The following ST8SIA3 variants were observed in gnomAD, a reference collection of about 807,000 sequenced individuals.
ST8SIA3 encodes alpha-N-acetylneuraminate alpha-2,8-sialyltransferase ST8SIA3.
A neutral mutation model predicts 34.5 loss-of-function variants in ST8SIA3; 17 were observed. The ratio of observed to expected loss-of-function variants is 0.49; its 90% CI spans 0.34 to 0.74. The LOEUF (loss-of-function observed/expected upper bound fraction) is 0.74. Among genes scored for constraint, ST8SIA3 ranks in the 30% least tolerant of loss-of-function variants. ST8SIA3 has a pLI of 0.01. For missense variants in ST8SIA3, 354 were observed against 467.8 expected (o/e 0.76, Z 2.24); for synonymous variants, 172 against 176.1 (o/e 0.98, Z 0.19).
intron 2 of ST8SIA3, among the ~76,000 whole-genome samples, chr18:57,356,243 A>C (rs1446199994): frequency 6.6e-6 from 1 of 152,218 alleles, no homozygotes; most frequent in Non-Finnish European, 1.5e-5. Flanking sequence ...TATAATAGCC[A>C]TGTTTTCTAA....
Position 57,360,419 on chromosome 18 carries a change from T to C in ST8SIA3, c.*142T>C, listed in dbSNP as rs936606078. ...GAAAGATGTCTTTTCTCTTTTGCAC[T>C]GCTCTTTTAAGAGTTTTAGCAGATT... On this transcript the variant is annotated 3_prime_UTR_variant, in exon 4 of 4. Coordinates refer to ENST00000324000, the MANE Select transcript of ST8SIA3 (RefSeq NM_015879.3). The C allele has an allele frequency of 2.3e-6, 2 of 858,562 alleles. No homozygotes were observed. Among genetic ancestry groups the C allele is most frequent in the Non-Finnish European group, 3.5e-6 (2 of 573,826 alleles). 53.2% of individuals were successfully genotyped at this position (858,562 alleles called of 1,614,324 possible).
intron 1 of ST8SIA3, 105 bp from the exon 2 acceptor site, chr18:57,354,297 G>C (rs2049785327): frequency 6.9e-7 from 1 of 1,450,824 alleles, no homozygotes; most frequent in African/African-American, 1.4e-5. Context: ...AACGGAGCCC[G>C]CACGCGTACC....
In ST8SIA3 at chr18:57,352,986, C is replaced by T. The variant is rs113039733; in HGVS notation, c.140C>T (p.Pro47Leu). 8 of 1,611,672 alleles carry T rather than the reference C, an allele frequency of 5.0e-6. No individual in the cohort carries two copies. The highest frequency in any genetic ancestry group is 8.5e-7 in the Non-Finnish European group (1 of 1,179,978). The change falls in exon 1 of 4, where the codon CCG (proline) becomes CTG (leucine). Residue 47 changes from proline to leucine, a missense_variant. Physicochemically the swap from Pro to Leu is moderately conservative, Grantham distance 98. This residue lies in a region of ST8SIA3 where 184 missense variants were observed against 205.4 expected (regional missense o/e 0.90). Transcript: ENST00000324000. ...NIFTTPKYAS[P>L]GAPRMYMFHA... ...TTCACCACTCCCAAGTACGCCAGCC[C>T]GGGGGCGCCCCGAATGTACATGTTC...
intron 3 of ST8SIA3, among the ~76,000 whole-genome samples, chr18:57,358,144 T>C (rs1424414750): frequency 6.6e-6 from 1 of 152,234 alleles, no homozygotes; most frequent in African/African-American, 2.4e-5. Context: ...GAGATCCTAA[T>C]GTAAATTATC....
chr18:57,356,858 T>TG, intron 2 of ST8SIA3, 55 bp from the exon 3 acceptor site: 1 of 1,155,172 alleles, frequency 8.7e-7, no homozygotes, highest in Non-Finnish European at 1.2e-6. Flanking sequence ...AGTCATAAGA[T>TG]GGAAAATCAG....
At chr18:57,357,699 A>G (rs751661587) in intron 3 of ST8SIA3, among the ~76,000 whole-genome samples, 1 of 152,182 alleles carries the variant, frequency 6.6e-6, no homozygotes, top group Non-Finnish European at 1.5e-5. Context: ...TTGGGGCTTC[A>G]TCAGTCTCCC....
chr18:57,354,445 A>G lies in ST8SIA3; in HGVS notation c.223A>G (p.Ile75Val). 1 of 1,614,178 alleles carries G rather than the reference A, an allele frequency of 6.2e-7. No individual in the cohort carries two copies. The highest frequency in any genetic ancestry group is 8.5e-7 in the Non-Finnish European group (1 of 1,180,012). ...LKFLDPSFVP[I>V]TNSLTQELQE... ...GTTTCTAGACCCGTCATTCGTGCCC[A>G]TTACGAATTCTCTCACCCAGGAACT... The change falls in exon 2 of 4, where the codon ATT becomes GTT. Residue 75 changes from isoleucine to valine, a missense_variant. Physicochemically the swap from Ile to Val is conservative, Grantham distance 29 (BLOSUM62 3). This residue lies in a region of ST8SIA3 where 184 missense variants were observed against 205.4 expected (regional missense o/e 0.90). Coordinates refer to ENST00000324000, the MANE Select transcript of ST8SIA3 (RefSeq NM_015879.3).
chr18:57,354,103 C>T (rs1026886280), intron 1 of ST8SIA3, among the ~76,000 whole-genome samples: 4 of 152,228 alleles, frequency 2.6e-5, no homozygotes, highest in Non-Finnish European at 5.9e-5. Context: ...CCCTGGTCCT[C>T]GCAGCGCCGC....
chr18:57,354,290 G>A (rs1158506493), intron 1 of ST8SIA3, 112 bp from the exon 2 acceptor site: 5 of 1,392,244 alleles, frequency 3.6e-6, no homozygotes, highest in South Asian at 1.2e-5. Context: ...GGGACGGAAC[G>A]GAGCCCGCAC....
chr18:57,357,768 C>T (rs753669133), intron 3 of ST8SIA3, among the ~76,000 whole-genome samples: 4 of 152,154 alleles, frequency 2.6e-5, no homozygotes, highest in South Asian at 2.1e-4. Context: ...ATGGAAATCA[C>T]CACAAATCAA....
chr18:57,359,098 CA>C (rs1360271826), intron 3 of ST8SIA3, among the ~76,000 whole-genome samples: 1 of 151,896 alleles, frequency 6.6e-6, no homozygotes, highest in Non-Finnish European at 1.5e-5. Flanking sequence ...ACTCGGGCCT[CA>C]AAAAAATACA....
In ST8SIA3 at chr18:57,352,949, A is replaced by C; in HGVS notation, c.103A>C (p.Lys35Gln). 6.2e-7 allele frequency: 1 copy of C among 1,613,244 alleles called. No individual in the cohort carries two copies. The stretch of plus-strand genomic sequence containing the variant: ...GCTCATCAGCTACGTGTCCCTGAAA[A>C]AGGAGAACATCTTCACCACTCCCAA... ...LSLISYVSLK[K>Q]ENIFTTPKYA... Residue 35 changes from lysine to glutamine, a missense_variant, in exon 1 of 4, where the codon AAG (lysine) becomes CAG (glutamine). Lys to Gln is a moderately conservative substitution (Grantham distance 53). Coordinates refer to ENST00000324000, the MANE Select transcript of ST8SIA3 (RefSeq NM_015879.3).
Position 57,360,383 on chromosome 18 carries a change from C to G in ST8SIA3, c.*106C>G, listed in dbSNP as rs976239308. On this transcript the variant is annotated 3_prime_UTR_variant, in exon 4 of 4. Transcript: ENST00000324000. ...GAGAATGTCTTATAAGGATTGTCTG[C>G]CATTTAAAAGGAAAGATGTCTTTTC... 4.3e-6 allele frequency: 5 copies of G among 1,152,954 alleles called. No homozygotes were observed. Among genetic ancestry groups the G allele is most frequent in the African/African-American group, 1.6e-5 (1 of 63,470 alleles). 71.4% of individuals were successfully genotyped at this position (1,152,954 alleles called of 1,614,324 possible). A position where few individuals can be genotyped will look rare whatever the true frequency, so the allele number is the denominator to read the frequency against.
In ST8SIA3 at chr18:57,363,252, C is replaced by G. The variant is rs1449583200; in HGVS notation, c.*2975C>G. ...GGCAACCTGCTTAATGCTAGACGCT[C>G]TGTTTTCACTGGTTATTCTGAGTGT... On this transcript the variant is annotated 3_prime_UTR_variant, in exon 4 of 4. Transcript: ENST00000324000. The G allele has an allele frequency of 6.6e-6, 1 of 152,198 alleles. No homozygotes were observed. The highest frequency in any genetic ancestry group is 1.5e-5 in the Non-Finnish European group (1 of 68,044). 9.4% of individuals were successfully genotyped at this position (152,198 alleles called of 1,614,324 possible). A position where few individuals can be genotyped will look rare whatever the true frequency, so the allele number is the denominator to read the frequency against.
chr18:57,360,394 G>C lies in ST8SIA3; in HGVS notation c.*117G>C. ...ATAAGGATTGTCTGCCATTTAAAAG[G>C]AAAGATGTCTTTTCTCTTTTGCACT... is the stretch of plus-strand genomic sequence containing the variant. On this transcript the variant is annotated 3_prime_UTR_variant, in exon 4 of 4. Coordinates refer to ENST00000324000, the MANE Select transcript of ST8SIA3 (RefSeq NM_015879.3). The C allele has an allele frequency of 9.4e-7, 1 of 1,063,726 alleles. No individual in the cohort carries two copies. The highest frequency in any genetic ancestry group is 1.3e-6 in the Non-Finnish European group (1 of 756,450). 65.9% of individuals were successfully genotyped at this position (1,063,726 alleles called of 1,614,324 possible).
chr18:57,357,972 A>T (rs1049291077), intron 3 of ST8SIA3, among the ~76,000 whole-genome samples: 4 of 152,254 alleles, frequency 2.6e-5, no homozygotes, highest in African/African-American at 9.6e-5. Context: ...GTGCAAAAAC[A>T]TGAAGAAAGT....
At chr18:57,353,296 G>A (rs926145129) in intron 1 of ST8SIA3, among the ~76,000 whole-genome samples, 1 of 152,144 alleles carries the variant, frequency 6.6e-6, no homozygotes, top group African/African-American at 2.4e-5. Context: ...CAGAAATGGG[G>A]GTTGGGGGAG....
At chr18:57,353,457 T>A (rs1006696242) in intron 1 of ST8SIA3, among the ~76,000 whole-genome samples, 1 of 152,112 alleles carries the variant, frequency 6.6e-6, no homozygotes, top group African/African-American at 2.4e-5. Context: ...GGCGGTTTAA[T>A]GGCGCAGGCG....
intron 1 of ST8SIA3, among the ~76,000 whole-genome samples, chr18:57,354,093 C>T (rs1440745400): frequency 6.6e-6 from 1 of 152,246 alleles, no homozygotes; most frequent in East Asian, 1.9e-4. Flanking sequence ...GGTGCTGATT[C>T]CCTGGTCCTC....
Sources: gnomAD v4.1 joint callset for allele counts (sites outside exome capture counted in the v4.1 genomes callset) on GRCh38, gnomAD v4.1.1 for gene constraint, gnomAD v4.1.1 regional missense constraint, MANE v1.5 for transcripts, NCBI Gene and HGNC (gene_info 2026-07-23, HGNC 2026-07-21) for gene names.